Variants in ULK4 observed in about 807,000 individuals in gnomAD.
ULK4 encodes the protein inactive serine/threonine-protein kinase ULK4.
Under a neutral mutation model 160.6 loss-of-function variants are expected in ULK4, and 133 were observed. That is an observed-to-expected ratio of 0.83 (90% CI 0.72 to 0.96). The LOEUF (loss-of-function observed/expected upper bound fraction) is 0.96. ULK4 is among the 40% of genes least tolerant of loss of function. ULK4 has a pLI of 0.00. For missense variants in ULK4, 1,580 were observed against 1,499.5 expected (o/e 1.05, Z -0.89); for synonymous variants, 534 against 539.8 (o/e 0.99, Z 0.15).
At chr3:41,509,988 C>G (rs888115664) in intron 32 of ULK4, among the ~76,000 whole-genome samples, 1 of 152,116 alleles carries the variant, frequency 6.6e-6, no homozygotes, top group Non-Finnish European at 1.5e-5. Flanking sequence ...TCAGTACTAA[C>G]GTTGAATGTG....
In ULK4 at chr3:41,774,774, A is replaced by G. The variant is rs143442571; in HGVS notation, c.2193+14887T>C. Among the ~76,000 whole-genome samples, 70 of 150,026 alleles carry G rather than the reference A, an allele frequency of 4.7e-4. No homozygotes were observed. In the East Asian group the frequency reaches 7.4e-3, roughly 16 times the overall value. ...TGCTGCTATAAAGACACATGCACAC[A>G]TATGTTTATTGCGGCACTACTCACA... is the stretch of plus-strand genomic sequence containing the variant. On this transcript the variant is annotated intron_variant, in intron 21 of 36. Coordinates refer to ENST00000301831, the MANE Select transcript of ULK4 (RefSeq NM_017886.4).
At chr3:41,800,432 A>C in intron 19 of ULK4, 139 bp from the exon 20 acceptor site, 1 of 741,160 alleles carries the variant, frequency 1.3e-6, no homozygotes, top group Non-Finnish European at 2.2e-6. Context: ...GAGGAATGAT[A>C]ACTCTTTCAG....
At chr3:41,411,170 T>C (rs573085939) in intron 34 of ULK4, among the ~76,000 whole-genome samples, 95 of 152,252 alleles carry the variant, frequency 6.2e-4, no homozygotes, top group African/African-American at 2.2e-3. Context: ...AATCCTAAGG[T>C]CCCTCGAACA....
chr3:41,284,327 C>G (rs2079419111), intron 35 of ULK4, among the ~76,000 whole-genome samples: 1 of 152,126 alleles, frequency 6.6e-6, no homozygotes, highest in Non-Finnish European at 1.5e-5. Context: ...AGGCATCACA[C>G]TACCTGATTT....
chr3:41,845,201 G>A (rs1040375956), intron 17 of ULK4, among the ~76,000 whole-genome samples: 6 of 151,972 alleles, frequency 3.9e-5, no homozygotes, highest in African/African-American at 1.2e-4. Flanking sequence ...TCCTGACCTC[G>A]TGATCCACCC....
chr3:41,562,145 T>C (rs2087603464), intron 32 of ULK4, among the ~76,000 whole-genome samples: 1 of 152,244 alleles, frequency 6.6e-6, no homozygotes, highest in African/African-American at 2.4e-5. Flanking sequence ...GAGCAGCTTG[T>C]TCTGTTTCCA....
At chr3:41,740,406 C>G (rs914645910) in intron 22 of ULK4, among the ~76,000 whole-genome samples, 1 of 151,860 alleles carries the variant, frequency 6.6e-6, no homozygotes, top group Non-Finnish European at 1.5e-5. Flanking sequence ...AATCAGCTTA[C>G]AAGACCATTC....
intron 32 of ULK4, among the ~76,000 whole-genome samples, chr3:41,513,203 T>C (rs9849229): frequency 0.26 from 39,049 of 152,074 alleles, 5,268 homozygotes; most frequent in African/African-American, 0.31. Flanking sequence ...TTCTAGAAGA[T>C]AACACCAGAA....
At chr3:41,563,334 T>G (rs2087669284) in intron 32 of ULK4, among the ~76,000 whole-genome samples, 1 of 152,178 alleles carries the variant, frequency 6.6e-6, no homozygotes, top group Non-Finnish European at 1.5e-5. Flanking sequence ...CAATTATGTG[T>G]CTTGGGGTTG....
rs192019999 is a variant in ULK4, at chr3:41,657,140, A to T, written c.3071+6467T>A. ...TCCACCAGGGCAGTACTGTTTTTTT[A>T]AAAAAAAATCCTGGTCATGTACAAT... On this transcript the variant is annotated intron_variant, in intron 30 of 36. Coordinates refer to ENST00000301831, the MANE Select transcript of ULK4 (RefSeq NM_017886.4). Among the ~76,000 whole-genome samples the T allele has an allele frequency of 4.2e-3, 641 of 151,804 alleles. 4 individuals are homozygous for T. The East Asian group carries it at 0.045, about 11-fold the overall frequency.
intron 19 of ULK4, among the ~76,000 whole-genome samples, chr3:41,813,611 A>G (rs1430388767): frequency 2.0e-5 from 3 of 152,242 alleles, no homozygotes; most frequent in Non-Finnish European, 4.4e-5. Context: ...AATTACCTAA[A>G]CAAGGAGCAA....
At position 41,299,331 on chromosome 3, in the gene ULK4, G is replaced by A. The variant is rs553355997; in HGVS notation, c.3679-49757C>T. On this transcript the variant is annotated intron_variant, in intron 35 of 36. Coordinates refer to ENST00000301831, the MANE Select transcript of ULK4 (RefSeq NM_017886.4). ...ACCAACCCCATTAGCAGCTGACCAA[G>A]GATGCATGAGGGAGCACAGCATTCA... Among the ~76,000 whole-genome samples the A allele has an allele frequency of 3.3e-5, 5 of 152,310 alleles. No individual in the cohort carries two copies. In the East Asian group the frequency reaches 7.7e-4, roughly 24 times the overall value.
chr3:41,797,342 A>G (rs2040330909), intron 20 of ULK4, among the ~76,000 whole-genome samples: 1 of 152,206 alleles, frequency 6.6e-6, no homozygotes, highest in African/African-American at 2.4e-5. Flanking sequence ...TGTAAAAAGA[A>G]TGATGCAAAT....
intron 32 of ULK4, among the ~76,000 whole-genome samples, chr3:41,515,125 T>TAC (rs1414414601): frequency 6.6e-6 from 1 of 151,730 alleles, no homozygotes; most frequent in East Asian, 1.9e-4. Context: ...TGTGTGATGG[T>TAC]ACACCCTTGT....
At chr3:41,509,719 G>A (rs899274395) in intron 32 of ULK4, among the ~76,000 whole-genome samples, 2 of 152,060 alleles carry the variant, frequency 1.3e-5, no homozygotes, top group African/African-American at 4.8e-5. Context: ...TGTATCTGGC[G>A]AAACTAAGCT....
intron 18 of ULK4, among the ~76,000 whole-genome samples, chr3:41,826,699 C>A (rs1330633866): frequency 6.7e-6 from 1 of 150,068 alleles, no homozygotes; most frequent in Non-Finnish European, 1.5e-5. Context: ...GACTCCCACA[C>A]AATAATAATA....
At chr3:41,307,476 TA>T (rs1320584518) in intron 35 of ULK4, among the ~76,000 whole-genome samples, 1 of 152,178 alleles carries the variant, frequency 6.6e-6, no homozygotes, top group Non-Finnish European at 1.5e-5. Flanking sequence ...CTGGATAGAC[TA>T]AAATTTCTCA....
At chr3:41,420,609 A>G (rs1226194285) in intron 34 of ULK4, among the ~76,000 whole-genome samples, 8 of 148,604 alleles carry the variant, frequency 5.4e-5, no homozygotes, top group Non-Finnish European at 1.0e-4. Flanking sequence ...TGGCCTCCCG[A>G]GCAGCTGAGA....
chr3:41,498,049 C>G (rs1038966826), intron 32 of ULK4, among the ~76,000 whole-genome samples: 1 of 151,982 alleles, frequency 6.6e-6, no homozygotes, highest in Non-Finnish European at 1.5e-5. Context: ...TATCAAATAT[C>G]TTGATGTCAA....
Sources: gnomAD v4.1 joint callset for allele counts (sites outside exome capture counted in the v4.1 genomes callset) on GRCh38, gnomAD v4.1.1 for gene constraint, MANE v1.5 for transcripts, NCBI Gene and HGNC (gene_info 2026-07-23, HGNC 2026-07-21) for gene names.